Variants in ELOA2 observed in about 807,000 individuals in gnomAD.
The protein encoded by ELOA2 is elongin A2.
For missense variants in ELOA2, 1,271 were observed against 979.7 expected (o/e 1.30, Z -3.97); for synonymous variants, 497 against 398.8 (o/e 1.25, Z -2.94).
chr18:47,032,727 G>GT lies in ELOA2; in HGVS notation c.*275dup. The GT allele has an allele frequency of 1.8e-6, 1 of 564,424 alleles. No individual in the cohort carries two copies. Among genetic ancestry groups the GT allele is most frequent in the Non-Finnish European group, 3.1e-6 (1 of 324,296 alleles). 35.0% of individuals were successfully genotyped at this position (564,424 alleles called of 1,614,324 possible). On this transcript the variant is annotated 3_prime_UTR_variant, in exon 1 of 1. Transcript: ENST00000332567. The stretch of plus-strand genomic sequence containing the variant: ...TTCCTTATTTATGATTACAACTAGG[G>GT]TGTTTTTAAAAATTATCAGTGAACA...
chr18:47,034,834 G>A lies in ELOA2; in HGVS notation c.431C>T (p.Pro144Leu). ...RTPPGQQRPH[P>L]RSHSREPRAE... Reference sequence around the variant, plus strand: ...TCTGGGCTCGCGACTGTGAGACCTCGGGTGAGGTCTCTGTTGCCCCGGAGG... The same window carrying A: ...TCTGGGCTCGCGACTGTGAGACCTCAGGTGAGGTCTCTGTTGCCCCGGAGG... Residue 144 changes from proline (P) to leucine (L), a missense_variant, in exon 1 of 1, where the codon CCG becomes CTG. Transcript: ENST00000332567. 6.2e-7 allele frequency: 1 copy of A among 1,612,128 alleles called. No individual in the cohort carries two copies.
In ELOA2 at chr18:47,034,000, T is replaced by G. The variant is rs1227887952; in HGVS notation, c.1265A>C (p.Glu422Ala). 1 of 1,613,846 alleles carries G rather than the reference T, an allele frequency of 6.2e-7. No homozygotes were observed. The highest frequency in any genetic ancestry group is 1.3e-5 in the African/African-American group (1 of 74,946). ...CAATTTCTTAGCCGAATCCCAGGAC[T>G]CACGAGTGCCCTTGGATTCGTTTGC... ...RKANESKGTRESWDSAKKLPP... is the reference protein window; with the variant it reads ...RKANESKGTRASWDSAKKLPP... The change falls in exon 1 of 1, where the codon GAG becomes GCG. Residue 422 changes from glutamate (E) to alanine (A), a missense_variant. By Grantham distance (107) the Glu-to-Ala change is moderately radical. Transcript: ENST00000332567.
chr18:47,034,567 T>A lies in ELOA2; in HGVS notation c.698A>T (p.Glu233Val). 6.2e-7 allele frequency: 1 copy of A among 1,614,182 alleles called. No homozygotes were observed. Among genetic ancestry groups the A allele is most frequent in the South Asian group, 1.1e-5 (1 of 91,080 alleles). Residue 233 changes from glutamate to valine, a missense_variant, in exon 1 of 1, where the codon GAA (glutamate) becomes GTA (valine). Transcript: ENST00000332567. ...TCCCTGGGCACACAAGGGGCGTTTT[T>A]CCTGGCGAGACGATTTGTGCCCCTT... ...HSKGHKSSRQ[E>V]KRPLCAQGDW...
In ELOA2 at chr18:47,035,347, C is replaced by G. The variant is rs1286517914; in HGVS notation, c.-83G>C. ...TGCGGGACAGGAAGTCTGGGGTGGC[C>G]GGTCCTCGCTGCCCGGTCGCCAGGC... On this transcript the variant is annotated 5_prime_UTR_variant, in exon 1 of 1. Transcript: ENST00000332567. The G allele has an allele frequency of 3.1e-6, 5 of 1,599,538 alleles. No homozygotes were observed. Among genetic ancestry groups the G allele is most frequent in the South Asian group, 2.2e-5 (2 of 90,006 alleles).
At position 47,033,426 on chromosome 18, in the gene ELOA2, G is replaced by A. The variant is rs750520652; in HGVS notation, c.1839C>T (p.Asp613=). The A allele has an allele frequency of 3.1e-6, 5 of 1,613,638 alleles. No homozygotes were observed. Among genetic ancestry groups the A allele is most frequent in the Non-Finnish European group, 4.2e-6 (5 of 1,180,016 alleles). ...TTACTCTCAGCCGCTGCTCTGGGGC[G>A]TCCGGAAGCCGCAGGTACTGCTCCC... is the stretch of plus-strand genomic sequence containing the variant. ...TWREQYLRLP[D]APEQRLRVMT... is the part of the protein sequence containing the mutation. Residue 613 remains aspartate (D), a synonymous_variant, in exon 1 of 1, where the codon GAC becomes GAT. Coordinates refer to ENST00000332567, the MANE Select transcript of ELOA2 (RefSeq NM_016427.3).
In ELOA2 at chr18:47,033,426, G is replaced by T. The variant is rs750520652; in HGVS notation, c.1839C>A (p.Asp613Glu). 1.9e-6 allele frequency: 3 copies of T among 1,613,522 alleles called. No individual in the cohort carries two copies. Among genetic ancestry groups the T allele is most frequent in the East Asian group, 2.2e-5 (1 of 44,898 alleles). ...TTACTCTCAGCCGCTGCTCTGGGGC[G>T]TCCGGAAGCCGCAGGTACTGCTCCC... ...TWREQYLRLP[D>E]APEQRLRVMT... Residue 613 changes from aspartate to glutamate, a missense_variant, in exon 1 of 1, where the codon GAC becomes GAA. Asp to Glu is a conservative substitution (Grantham distance 45, BLOSUM62 2). Transcript: ENST00000332567.
Position 47,032,805 on chromosome 18 carries a change from T to A in ELOA2, c.*198A>T. ...TCATATCTTCTGAATTCTGAGGTGT[T>A]CTCCAAGCTGGGAGGTAGTGGCTGG... On this transcript the variant is annotated 3_prime_UTR_variant, in exon 1 of 1. Coordinates refer to ENST00000332567, the MANE Select transcript of ELOA2 (RefSeq NM_016427.3). 1.1e-6 allele frequency: 1 copy of A among 943,802 alleles called. No homozygotes were observed. Among genetic ancestry groups the A allele is most frequent in the South Asian group, 1.7e-5 (1 of 58,318 alleles). 58.5% of individuals were successfully genotyped at this position (943,802 alleles called of 1,614,324 possible). A position where few individuals can be genotyped will look rare whatever the true frequency, so the allele number is the denominator to read the frequency against.
At position 47,032,568 on chromosome 18, in the gene ELOA2, G is replaced by C. The variant is rs1332543340; in HGVS notation, c.*435C>G. On this transcript the variant is annotated 3_prime_UTR_variant, in exon 1 of 1. Coordinates refer to ENST00000332567, the MANE Select transcript of ELOA2 (RefSeq NM_016427.3). ...AGCCTTTTATTAAAACAACAACAAC[G>C]GCAGCAACAGCAAACATTTTATGTA... 1 of 209,156 alleles carries C rather than the reference G, an allele frequency of 4.8e-6. No individual in the cohort carries two copies. Among genetic ancestry groups the C allele is most frequent in the Non-Finnish European group, 9.6e-6 (1 of 104,094 alleles). The allele number at this position is 209,156 out of a possible 1,614,324, so 13.0% of individuals were successfully genotyped here.
chr18:47,034,515 C>G lies in ELOA2; in HGVS notation c.750G>C (p.Arg250Ser), dbSNP rs1402787971. 32 of 1,614,204 alleles carry G rather than the reference C, an allele frequency of 2.0e-5. No homozygotes were observed. Among genetic ancestry groups the G allele is most frequent in the Non-Finnish European group, 2.5e-5 (29 of 1,180,030 alleles). The change falls in exon 1 of 1, where the codon AGG becomes AGC. Residue 250 changes from arginine to serine, a missense_variant. Arg to Ser is a moderately radical substitution (Grantham distance 110). Transcript: ENST00000332567. Reference sequence around the variant, plus strand: ...TTAAGCAGGCCCCGCATGATTTCTCCCTGATCAAAGTAGGGGAGTGCCAAT... The same window carrying G: ...TTAAGCAGGCCCCGCATGATTTCTCGCTGATCAAAGTAGGGGAGTGCCAAT... ...QGDWHSPTLI[R>S]EKSCGACLRE...
Position 47,033,451 on chromosome 18 carries a change from C to T in ELOA2, c.1814G>A (p.Arg605Lys), listed in dbSNP as rs150666101. ...EEKPQENKTW[R>K]EQYLRLPDAP... Reference sequence around the variant, plus strand: ...GTCCGGAAGCCGCAGGTACTGCTCCCTCCAAGTTTTGTTTTCCTGTGGCTT... The same window carrying T: ...GTCCGGAAGCCGCAGGTACTGCTCCTTCCAAGTTTTGTTTTCCTGTGGCTT... The change falls in exon 1 of 1, where the codon AGG becomes AAG. Residue 605 changes from arginine (R) to lysine (K), a missense_variant. Transcript: ENST00000332567. 1.9e-4 allele frequency: 309 copies of T among 1,614,194 alleles called. No homozygotes were observed. In the African/African-American group the frequency reaches 3.5e-3, roughly 19 times the overall value.
Position 47,033,372 on chromosome 18 carries a change from T to G in ELOA2, c.1893A>C (p.Gly631=), listed in dbSNP as rs748544977. 1 of 1,614,188 alleles carries G rather than the reference T, an allele frequency of 6.2e-7. No homozygotes were observed. The highest frequency in any genetic ancestry group is 8.5e-7 in the Non-Finnish European group (1 of 1,180,032). ...VMTTNIRSAR[G]NNPNGREAKM... ...TTGCCTCTCTGCCGTTGGGGTTGTT[T>G]CCACGTGCAGATCGGATATTCGTTG... Residue 631 remains glycine, a synonymous_variant, in exon 1 of 1, where the codon GGA becomes GGC. Coordinates refer to ENST00000332567, the MANE Select transcript of ELOA2 (RefSeq NM_016427.3).
In ELOA2 at chr18:47,034,566, T is replaced by C; in HGVS notation, c.699A>G (p.Glu233=). The change falls in exon 1 of 1, where the codon GAA becomes GAG. Residue 233 remains glutamate, a synonymous_variant. Transcript: ENST00000332567. ...HSKGHKSSRQ[E]KRPLCAQGDW... is the part of the protein sequence containing the mutation. ...CTCCCTGGGCACACAAGGGGCGTTT[T>C]TCCTGGCGAGACGATTTGTGCCCCT... The C allele has an allele frequency of 1.2e-6, 2 of 1,614,216 alleles. No homozygotes were observed. Among genetic ancestry groups the C allele is most frequent in the South Asian group, 1.1e-5 (1 of 91,088 alleles).
chr18:47,032,822 A>G lies in ELOA2; in HGVS notation c.*181T>C. The G allele has an allele frequency of 9.1e-7, 1 of 1,100,570 alleles. No individual in the cohort carries two copies. Among genetic ancestry groups the G allele is most frequent in the Non-Finnish European group, 1.3e-6 (1 of 772,836 alleles). 68.2% of individuals were successfully genotyped at this position (1,100,570 alleles called of 1,614,324 possible). On this transcript the variant is annotated 3_prime_UTR_variant, in exon 1 of 1. Coordinates refer to ENST00000332567, the MANE Select transcript of ELOA2 (RefSeq NM_016427.3). ...TGAGGTGTTCTCCAAGCTGGGAGGT[A>G]GTGGCTGGGTGTGGGAGGCAAAATC...
rs1422576297 is a variant in ELOA2, at chr18:47,035,185, A to T, written c.80T>A (p.Leu27Gln). Reference protein sequence around the residue: ...RLATKTEPKKLEKYLQKLSAL... With the variant: ...RLATKTEPKKQEKYLQKLSAL... The stretch of plus-strand genomic sequence containing the variant: ...GGAGAGTTTCTGCAAATATTTCTCT[A>T]GCTTTTTCGGCTCCGTCTTAGTGGC... Residue 27 changes from leucine to glutamine, a missense_variant, in exon 1 of 1, where the codon CTA becomes CAA. Transcript: ENST00000332567. The T allele has an allele frequency of 1.9e-6, 3 of 1,612,306 alleles. No homozygotes were observed. The highest frequency in any genetic ancestry group is 2.2e-5 in the East Asian group (1 of 44,866).
At position 47,035,115 on chromosome 18, in the gene ELOA2, T is replaced by A. The variant is rs1421565038; in HGVS notation, c.150A>T (p.Arg50Ser). 7 of 1,611,362 alleles carry A rather than the reference T, an allele frequency of 4.3e-6. No homozygotes were observed. Among genetic ancestry groups the A allele is most frequent in the Non-Finnish European group, 5.9e-6 (7 of 1,179,600 alleles). ...GCTTCCGCAGGCGCTTCACCGTCTT[T>A]CTGATTCCAGTCTCCGCCAGGATGT... ...TADILAETGI[R>S]KTVKRLRKHQ... The change falls in exon 1 of 1, where the codon AGA becomes AGT. Residue 50 changes from arginine (R) to serine (S), a missense_variant. Transcript: ENST00000332567.
rs746335836 is a variant in ELOA2, at chr18:47,034,540, T to G, written c.725A>C (p.Asp242Ala). The change falls in exon 1 of 1, where the codon GAT (aspartate) becomes GCT (alanine). Residue 242 changes from aspartate to alanine, a missense_variant. Physicochemically the swap from Asp to Ala is moderately radical, Grantham distance 126. Coordinates refer to ENST00000332567, the MANE Select transcript of ELOA2 (RefSeq NM_016427.3). ...QEKRPLCAQG[D>A]WHSPTLIREK... ...CCTGATCAAAGTAGGGGAGTGCCAA[T>G]CTCCCTGGGCACACAAGGGGCGTTT... is the stretch of plus-strand genomic sequence containing the variant. 1 of 1,614,204 alleles carries G rather than the reference T, an allele frequency of 6.2e-7. No homozygotes were observed. Among genetic ancestry groups the G allele is most frequent in the Non-Finnish European group, 8.5e-7 (1 of 1,180,032 alleles).
At position 47,033,745 on chromosome 18, in the gene ELOA2, C is replaced by G. The variant is rs747473000; in HGVS notation, c.1520G>C (p.Arg507Thr). The change falls in exon 1 of 1, where the codon AGA becomes ACA. Residue 507 changes from arginine to threonine, a missense_variant. Coordinates refer to ENST00000332567, the MANE Select transcript of ELOA2 (RefSeq NM_016427.3). ...FREEAAFPGR[R>T]VNAKMPVYSG... ...GTACACCGGCATCTTAGCATTCACTCTGCGTCCAGGGAAAGCAGCTTCCTC... is the reference window on the plus strand; with the variant it reads ...GTACACCGGCATCTTAGCATTCACTGTGCGTCCAGGGAAAGCAGCTTCCTC... 50 of 1,614,080 alleles carry G rather than the reference C, an allele frequency of 3.1e-5. 1 individual carries two copies. In the East Asian group the frequency reaches 1.1e-3, roughly 36 times the overall value.
chr18:47,033,230 CG>C, the ELOA2 span: 63 of 1,613,786 alleles, frequency 3.9e-5, no homozygotes, highest in South Asian at 6.8e-4. Flanking sequence ...CTGCTTCCCG[CG>C]GGCTTGGAGG....
Position 47,032,956 on chromosome 18 carries a change from C to T in ELOA2, c.*47G>A. The T allele has an allele frequency of 6.2e-7, 1 of 1,613,114 alleles. No homozygotes were observed. Among genetic ancestry groups the T allele is most frequent in the East Asian group, 2.2e-5 (1 of 44,880 alleles). On this transcript the variant is annotated 3_prime_UTR_variant, in exon 1 of 1. Coordinates refer to ENST00000332567, the MANE Select transcript of ELOA2 (RefSeq NM_016427.3). The stretch of plus-strand genomic sequence containing the variant: ...GTTCCCCAACCCGCATTGACTTTGC[C>T]AATGCAAAAATCCCCCCAGATTTTA...
Sources: gnomAD v4.1 joint callset for allele counts on GRCh38, gnomAD v4.1.1 for gene constraint, MANE v1.5 for transcripts, NCBI Gene and HGNC (gene_info 2026-07-23, HGNC 2026-07-21) for gene names.